TP63: variants seen among roughly 807,000 people sequenced by gnomAD.
TP63 encodes tumor protein 63.
TP63 carries 17 observed loss-of-function variants against 82.8 expected under a neutral mutation model. That is an observed-to-expected ratio of 0.21 (90% CI 0.14 to 0.31). The LOEUF (loss-of-function observed/expected upper bound fraction) is 0.31, where lower values mean the gene tolerates loss of function less well. TP63 is among the 10% of genes least tolerant of loss of function. The pLI is 1.00. For synonymous variants in TP63, 330 were observed against 321.7 expected, an observed-to-expected ratio of 1.03 and a Z score of -0.28; for missense variants, 648 against 895.3, an observed-to-expected ratio of 0.72 and a Z score of 3.52.
chr3:189,705,122 T>C (rs1425655917), intron 1 of TP63, among the ~76,000 whole-genome samples: 2 of 152,206 alleles, frequency 1.3e-5, no homozygotes, highest in Non-Finnish European at 2.9e-5. Flanking sequence ...ATTTAGCAAC[T>C]AACAACCCAG....
chr3:189,795,585 A>G (rs1725610247), intron 3 of TP63, among the ~76,000 whole-genome samples: 2 of 152,066 alleles, frequency 1.3e-5, no homozygotes, highest in South Asian at 4.1e-4. Flanking sequence ...GGACTGTGCC[A>G]GACAACGTGA....
At chr3:189,786,943 G>A (rs1029856835) in intron 3 of TP63, among the ~76,000 whole-genome samples, 1 of 152,030 alleles carries the variant, frequency 6.6e-6, no homozygotes, top group East Asian at 1.9e-4. Context: ...GCAGAGAATT[G>A]TTACTTCTTT....
Position 189,886,504 on chromosome 3 carries a change from G to A in TP63, c.1460G>A (p.Arg487His), listed in dbSNP as rs781366519. 25 of 1,613,890 alleles carry A rather than the reference G, an allele frequency of 1.5e-5. No individual in the cohort carries two copies. The South Asian group carries it at 2.3e-4, about 15-fold the overall frequency. The change falls in exon 11 of 14, where the codon CGC becomes CAC. Residue 487 changes from arginine to histidine, a missense_variant. By Grantham distance (29) the Arg-to-His change is conservative. Coordinates refer to ENST00000264731, the MANE Select transcript of TP63 (RefSeq NM_003722.5). ...AGCCAGCTTATCAACCCTCAGCAGC[G>A]CAACGCCCTCACTCCTACAACCATT... ...SVSQLINPQQ[R>H]NALTPTTIPD...
At chr3:189,747,895 G>A (rs1275296987) in intron 3 of TP63, among the ~76,000 whole-genome samples, 1 of 151,616 alleles carries the variant, frequency 6.6e-6, no homozygotes, top group Non-Finnish European at 1.5e-5. Context: ...ATATATCACC[G>A]ACAAAAGATC....
rs116568814 is a variant in TP63 at position 189,670,268 on chromosome 3, T to C, written c.62+38691T>C. Among the ~76,000 whole-genome samples the C allele has an allele frequency of 3.8e-3, 577 of 152,044 alleles. 1 individual carries two copies. The highest frequency in any genetic ancestry group is 0.013 in the African/African-American group (555 of 41,512). On this transcript the variant is annotated intron_variant, in intron 1 of 13. Transcript: ENST00000264731. Reference sequence around the variant, plus strand: ...CTTTTCACAGTAATTGATAGAAAAATTGAGTTCAGAACAGGTACAGAAGAT... The same window carrying C: ...CTTTTCACAGTAATTGATAGAAAAACTGAGTTCAGAACAGGTACAGAAGAT...
intron 1 of TP63, among the ~76,000 whole-genome samples, chr3:189,635,571 C>T (rs929126523): frequency 3.3e-5 from 5 of 152,098 alleles, no homozygotes; most frequent in African/African-American, 1.2e-4. Context: ...CCCTGGCTGA[C>T]TCCCTGTTGG....
intron 1 of TP63, among the ~76,000 whole-genome samples, chr3:189,648,748 C>T (rs1712632777): frequency 6.8e-6 from 1 of 147,088 alleles, no homozygotes; most frequent in African/African-American, 2.5e-5. Flanking sequence ...TACCATTATC[C>T]TGTTTATACG....
intron 3 of TP63, among the ~76,000 whole-genome samples, chr3:189,783,836 T>A (rs1297864605): frequency 1.3e-5 from 2 of 151,970 alleles, no homozygotes; most frequent in Admixed American, 6.6e-5. Flanking sequence ...GTTAGCCTCA[T>A]TCAAATGTAA....
intron 4 of TP63, among the ~76,000 whole-genome samples, chr3:189,839,059 A>AAAG (rs1553851380): frequency 7.4e-4 from 101 of 136,754 alleles, no homozygotes; most frequent in African/African-American, 2.3e-3. Flanking sequence ...AAAAAAAAAA[A>AAAG]AAAAAGAAAA....
At chr3:189,797,986 C>T (rs747285192) in intron 3 of TP63, among the ~76,000 whole-genome samples, 1 of 152,006 alleles carries the variant, frequency 6.6e-6, no homozygotes, top group Non-Finnish European at 1.5e-5. Flanking sequence ...TACTCTGTTT[C>T]TTCCTCATTG....
In TP63 at chr3:189,645,959, A is replaced by T. The variant is rs1052779735; in HGVS notation, c.62+14382A>T. Among the ~76,000 whole-genome samples the T allele has an allele frequency of 2.0e-4, 30 of 147,458 alleles. 1 individual carries two copies. The highest frequency in any genetic ancestry group is 2.1e-4 in the Non-Finnish European group (14 of 67,372). ...TTGTGAATTGTGTTACTATAAACAT[A>T]TGTATACAAGTGTCTTTTTCATATA... On this transcript the variant is annotated intron_variant, in intron 1 of 13. Coordinates refer to ENST00000264731, the MANE Select transcript of TP63 (RefSeq NM_003722.5).
chr3:189,797,862 T>C (rs748569616), intron 3 of TP63, among the ~76,000 whole-genome samples: 13 of 152,032 alleles, frequency 8.6e-5, no homozygotes, highest in Non-Finnish European at 1.6e-4. Context: ...CCCATATATT[T>C]ATCTCCAGGT....
rs1720709215 is a variant in TP63, at chr3:189,737,867, C to G, written c.190C>G (p.Gln64Glu). Residue 64 changes from glutamine (Q) to glutamate (E), a missense_variant and splice_region_variant, in exon 2 of 14, where the codon CAG (glutamine) becomes GAG (glutamate). Transcript: ENST00000264731. ...VFQHIWDFLEQPICSVQPIDL... is the reference protein window; with the variant it reads ...VFQHIWDFLEEPICSVQPIDL... ...CCAGCATATCTGGGATTTTCTGGAA[C>G]AGTAAGTATAAAACAAGCAAGAAAT... The G allele has an allele frequency of 2.5e-6, 4 of 1,613,640 alleles. No homozygotes were observed. The highest frequency in any genetic ancestry group is 3.4e-6 in the Non-Finnish European group (4 of 1,179,786).
At chr3:189,822,021 T>A (rs537222945) in intron 4 of TP63, among the ~76,000 whole-genome samples, 1 of 152,154 alleles carries the variant, frequency 6.6e-6, no homozygotes, top group Non-Finnish European at 1.5e-5. Flanking sequence ...TGTGGTCAGA[T>A]AGACCTGGGG....
At chr3:189,829,501 C>T (rs969857801) in intron 4 of TP63, among the ~76,000 whole-genome samples, 6 of 152,098 alleles carry the variant, frequency 3.9e-5, no homozygotes, top group African/African-American at 9.7e-5. Flanking sequence ...GAGAACAGCA[C>T]GTGTTATTTT....
Position 189,872,963 on chromosome 3 carries a change from A to C in TP63, c.1317A>C (p.Gln439His). The C allele has an allele frequency of 6.2e-7, 1 of 1,614,190 alleles. No homozygotes were observed. The highest frequency in any genetic ancestry group is 8.5e-7 in the Non-Finnish European group (1 of 1,180,018). ...CAATTGAAACGTACAGGCAACAGCA[A>C]CAGCAGCAGCACCAGCACTTACTTC... ...QHTIETYRQQ[Q>H]QQQHQHLLQK... Residue 439 changes from glutamine to histidine, a missense_variant, in exon 10 of 14, where the codon CAA becomes CAC. Gln to His is a conservative substitution (Grantham distance 24). This residue lies in a region of TP63 where 342 missense variants were observed against 425.7 expected (regional missense o/e 0.80). Coordinates refer to ENST00000264731, the MANE Select transcript of TP63 (RefSeq NM_003722.5).
the TP63 span, among the ~76,000 whole-genome samples, chr3:189,600,912 G>A: frequency 6.6e-6 from 1 of 152,158 alleles, no homozygotes; most frequent in African/African-American, 2.4e-5. Context: ...GTCCATTAAA[G>A]AGCATACATA....
intron 1 of TP63, among the ~76,000 whole-genome samples, chr3:189,716,953 C>T (rs923181279): frequency 1.3e-5 from 2 of 152,026 alleles, no homozygotes; most frequent in Non-Finnish European, 2.9e-5. Context: ...CGATTGCCAC[C>T]GCACCCAGCT....
At chr3:189,744,380 C>T (rs1298466289) in intron 3 of TP63, among the ~76,000 whole-genome samples, 1 of 152,132 alleles carries the variant, frequency 6.6e-6, no homozygotes, top group Non-Finnish European at 1.5e-5. Flanking sequence ...GGGGGATCAC[C>T]CTGCTTCTGC....
Sources: allele counts gnomAD v4.1 joint callset (sites outside exome capture counted in the v4.1 genomes callset), GRCh38; gene constraint gnomAD v4.1.1; regional missense constraint gnomAD v4.1.1; transcripts MANE v1.5; gene names NCBI Gene and HGNC (gene_info 2026-07-23, HGNC 2026-07-21).